Variants in KIF11 observed in about 807,000 individuals in gnomAD.
KIF11 encodes the protein kinesin-like protein KIF11.
A neutral mutation model predicts 121.0 loss-of-function variants in KIF11; 9 were observed. That is an observed-to-expected ratio of 0.07 (90% CI 0.04 to 0.13). KIF11 has a LOEUF of 0.13. KIF11 is among the 10% of genes least tolerant of loss of function. The probability of loss-of-function intolerance (pLI) is 1.00; values close to 1 mark genes in which losing one functional copy is unlikely to be tolerated. For synonymous variants in KIF11, 408 were observed against 421.0 expected (o/e 0.97, Z 0.38); for missense variants, 846 against 1,217.5 (o/e 0.69, Z 4.54).
At position 92,593,236 on chromosome 10, in the gene KIF11, C is replaced by T; in HGVS notation, c.-140C>T. The T allele has an allele frequency of 1.4e-6, 1 of 733,082 alleles. No homozygotes were observed. Among genetic ancestry groups the T allele is most frequent in the Non-Finnish European group, 2.2e-6 (1 of 448,006 alleles). The allele number at this position is 733,082 out of a possible 1,614,324, so 45.4% of individuals were successfully genotyped here. A position where few individuals can be genotyped will look rare whatever the true frequency, so the allele number is the denominator to read the frequency against. On this transcript the variant is annotated 5_prime_UTR_variant, in exon 1 of 22. Transcript: ENST00000260731. Reference sequence around the variant, plus strand: ...CCGGGTAGAGAGCGGGGACGCCGACCTGCGTGCGTCGGTCCTCCAGGCCAC... The same window carrying T: ...CCGGGTAGAGAGCGGGGACGCCGACTTGCGTGCGTCGGTCCTCCAGGCCAC...
chr10:92,612,737 T>C (rs561462266), intron 6 of KIF11, among the ~76,000 whole-genome samples: 1 of 152,206 alleles, frequency 6.6e-6, no homozygotes, highest in Non-Finnish European at 1.5e-5. Flanking sequence ...CATCTCTTCT[T>C]GACATACCAG....
intron 8 of KIF11, among the ~76,000 whole-genome samples, chr10:92,614,082 A>G (rs1159101591): frequency 1.3e-5 from 2 of 148,370 alleles, no homozygotes; most frequent in African/African-American, 5.1e-5. Context: ...TAGGGAAAAA[A>G]AGTTCATTTA....
chr10:92,596,473 A>G (rs1844297718), intron 1 of KIF11, among the ~76,000 whole-genome samples: 1 of 151,616 alleles, frequency 6.6e-6, no homozygotes, highest in African/African-American at 2.4e-5. Context: ...ACCATTTTAC[A>G]TTCCTACCAA....
In KIF11 at chr10:92,649,838, C is replaced by T. The variant is rs193212400; in HGVS notation, c.2774C>T (p.Thr925Met). Reference protein sequence around the residue: ...QDLKLDIPTGTTPQRKSYLYP... With the variant: ...QDLKLDIPTGMTPQRKSYLYP... ...TCTTATCTAATGTCCGTTAAAGGTA[C>T]GACACCACAGAGGAAAAGTTATTTA... is the stretch of plus-strand genomic sequence containing the variant. Residue 925 changes from threonine to methionine, a missense_variant, in exon 20 of 22, where the codon ACG (threonine) becomes ATG (methionine). Physicochemically the swap from Thr to Met is moderately conservative, Grantham distance 81. Coordinates refer to ENST00000260731, the MANE Select transcript of KIF11 (RefSeq NM_004523.4). The T allele has an allele frequency of 1.2e-5, 20 of 1,600,630 alleles. No homozygotes were observed. In the East Asian group the frequency reaches 2.9e-4, roughly 23 times the overall value.
chr10:92,638,929 G>A (rs990039487), intron 16 of KIF11, among the ~76,000 whole-genome samples: 6 of 152,110 alleles, frequency 3.9e-5, no homozygotes, highest in African/African-American at 1.4e-4. Flanking sequence ...GCTCTTCTTT[G>A]GTCATTAGGA....
intron 1 of KIF11, among the ~76,000 whole-genome samples, chr10:92,595,288 G>A (rs556022646): frequency 1.1e-4 from 17 of 152,320 alleles, no homozygotes; most frequent in African/African-American, 3.6e-4. Context: ...TCGAACTCCT[G>A]ACCTCAGAGA....
chr10:92,609,720 C>G (rs1438753663), intron 6 of KIF11, among the ~76,000 whole-genome samples: 1 of 151,966 alleles, frequency 6.6e-6, no homozygotes, highest in East Asian at 1.9e-4. Context: ...TAAGTTGAAC[C>G]ATAGCTGAAG....
At chr10:92,601,250 G>T (rs1305206658) in intron 1 of KIF11, among the ~76,000 whole-genome samples, 3 of 151,916 alleles carry the variant, frequency 2.0e-5, no homozygotes, top group East Asian at 3.9e-4. Flanking sequence ...GCCCAGGCTG[G>T]AATGCAGTGG....
In KIF11 at chr10:92,613,005, T is replaced by A. The variant is rs781613204; in HGVS notation, c.699-35T>A. ...CAGAAGCAGCAAATGCTATTTTACA[T>A]TATAATGACTGGGCAACTTGATATT... On this transcript the variant is annotated intron_variant, in intron 6 of 21. Transcript: ENST00000260731. This position sits in a 1 kb window ranked among gnomAD's most constrained non-coding sequence, Gnocchi z 4.2. The A allele has an allele frequency of 1.6e-6, 2 of 1,272,022 alleles. No homozygotes were observed. The highest frequency in any genetic ancestry group is 2.3e-6 in the Non-Finnish European group (2 of 884,066). 78.8% of individuals were successfully genotyped at this position (1,272,022 alleles called of 1,614,324 possible). A position where few individuals can be genotyped will look rare whatever the true frequency, so the allele number is the denominator to read the frequency against.
At chr10:92,650,368 G>A in intron 20 of KIF11, 33 bp from the exon 21 acceptor site, 1 of 1,256,494 alleles carries the variant, frequency 8.0e-7, no homozygotes, top group African/African-American at 1.5e-5. Flanking sequence ...TTAAGCCCTT[G>A]GACTTAGTCA....
intron 10 of KIF11, among the ~76,000 whole-genome samples, chr10:92,628,257 C>T (rs1334899379): frequency 6.6e-6 from 1 of 152,124 alleles, no homozygotes; most frequent in Non-Finnish European, 1.5e-5. Flanking sequence ...GAGGGTTATG[C>T]GGTGGGGTGA....
chr10:92,617,663 T>C (rs551248819), intron 9 of KIF11, among the ~76,000 whole-genome samples: 1 of 152,320 alleles, frequency 6.6e-6, no homozygotes, highest in African/African-American at 2.4e-5. Flanking sequence ...TCTTTAACAC[T>C]TGTTATGGTC....
chr10:92,599,226 G>C (rs1054527046), intron 1 of KIF11, among the ~76,000 whole-genome samples: 1 of 151,718 alleles, frequency 6.6e-6, no homozygotes, highest in Non-Finnish European at 1.5e-5. Flanking sequence ...GTATAAAAAT[G>C]TAACTGGAGG....
chr10:92,609,006 T>A lies in KIF11; in HGVS notation c.388-14T>A. On this transcript the variant is annotated splice_polypyrimidine_tract_variant and intron_variant, in intron 4 of 21. Coordinates refer to ENST00000260731, the MANE Select transcript of KIF11 (RefSeq NM_004523.4). ...GGCATTCTTCCTTTATATTAGTCCT[T>A]ATTATAATTTCAGGATCCCTTGGCT... is the stretch of plus-strand genomic sequence containing the variant. The A allele has an allele frequency of 6.8e-7, 1 of 1,460,726 alleles. No homozygotes were observed. The highest frequency in any genetic ancestry group is 9.2e-7 in the Non-Finnish European group (1 of 1,086,766). The allele number at this position is 1,460,726 out of a possible 1,614,324, so 90.5% of individuals were successfully genotyped here. A position where few individuals can be genotyped will look rare whatever the true frequency, so the allele number is the denominator to read the frequency against.
chr10:92,643,641 C>G (rs1331289848), intron 17 of KIF11, among the ~76,000 whole-genome samples: 4 of 148,972 alleles, frequency 2.7e-5, no homozygotes, highest in Non-Finnish European at 5.9e-5. Flanking sequence ...ACTGCAACCT[C>G]TGCCTCCCAG....
chr10:92,624,857 C>T (rs1208154322), intron 10 of KIF11, among the ~76,000 whole-genome samples: 5 of 151,166 alleles, frequency 3.3e-5, no homozygotes, highest in Admixed American at 3.3e-4. Context: ...GCAAACTCTG[C>T]CCCCCAGGTT....
At chr10:92,610,557 C>A (rs2135903571) in intron 6 of KIF11, among the ~76,000 whole-genome samples, 1 of 152,104 alleles carries the variant, frequency 6.6e-6, no homozygotes. Flanking sequence ...TGTGTGTGGT[C>A]TTTAAACCTC....
chr10:92,601,769 T>G (rs546049031), intron 1 of KIF11, among the ~76,000 whole-genome samples: 8 of 151,998 alleles, frequency 5.3e-5, no homozygotes, highest in African/African-American at 1.9e-4. Flanking sequence ...CCTGAACTCC[T>G]GGCTTCGGGT....
intron 1 of KIF11, among the ~76,000 whole-genome samples, chr10:92,603,232 C>T (rs562524131): frequency 6.6e-6 from 1 of 150,630 alleles, no homozygotes; most frequent in South Asian, 2.1e-4. Flanking sequence ...TCAACACTTC[C>T]TATCCCCCTT....
Sources: allele counts gnomAD v4.1 joint callset (sites outside exome capture counted in the v4.1 genomes callset), GRCh38; gene constraint gnomAD v4.1.1; non-coding constraint Gnocchi (gnomAD v3.1); transcripts MANE v1.5; gene names NCBI Gene and HGNC (gene_info 2026-07-23, HGNC 2026-07-21).